Variants in LMAN2L observed in about 807,000 individuals in gnomAD.
LMAN2L encodes the protein lectin, mannose binding 2 like, also known as VIP36-like protein.
Under a neutral mutation model 44.3 loss-of-function variants are expected in LMAN2L, and 30 were observed. The ratio of observed to expected loss-of-function variants is 0.68; its 90% CI spans 0.51 to 0.92. LMAN2L has a LOEUF of 0.92. LMAN2L is among the 40% of genes least tolerant of loss of function. LMAN2L has a pLI of 0.00. For synonymous variants in LMAN2L, 183 were observed against 171.1 expected (o/e 1.07, Z -0.54); for missense variants, 429 against 446.1 (o/e 0.96, Z 0.35).
chr2:96,718,258 T>C (rs2078081659), intron 4 of LMAN2L, among the ~76,000 whole-genome samples: 1 of 152,306 alleles, frequency 6.6e-6, no homozygotes, highest in Middle Eastern at 3.4e-3. Flanking sequence ...GCGTGGCCGG[T>C]TGTATTCTTA....
intron 4 of LMAN2L, among the ~76,000 whole-genome samples, chr2:96,725,656 A>C (rs1316942990): frequency 2.6e-5 from 4 of 151,028 alleles, no homozygotes; most frequent in Non-Finnish European, 5.9e-5. Flanking sequence ...CATGTTACCC[A>C]GGATGGTCTC....
intron 1 of LMAN2L, among the ~76,000 whole-genome samples, chr2:96,738,539 G>A (rs893108903): frequency 5.3e-5 from 8 of 152,010 alleles, no homozygotes; most frequent in Non-Finnish European, 1.0e-4. Flanking sequence ...AGCCAGGTGT[G>A]GTAGTCCTTG....
chr2:96,719,440 G>A (rs577902931), intron 4 of LMAN2L, among the ~76,000 whole-genome samples: 8 of 152,156 alleles, frequency 5.3e-5, no homozygotes, highest in African/African-American at 1.9e-4. Flanking sequence ...TGGGATCAGT[G>A]TCTTCATCAA....
intron 7 of LMAN2L, 76 bp downstream of exon 7, chr2:96,707,638 C>T (rs927851556): frequency 6.4e-7 from 1 of 1,553,120 alleles, no homozygotes; most frequent in Non-Finnish European, 8.8e-7. Context: ...GCAGAGACCG[C>T]CCTGTGAGCT....
At chr2:96,737,506 A>G (rs2078541003) in intron 2 of LMAN2L, among the ~76,000 whole-genome samples, 1 of 152,180 alleles carries the variant, frequency 6.6e-6, no homozygotes, top group Admixed American at 6.5e-5. Context: ...TTTAAAAATT[A>G]GCCAGGTGCA....
At chr2:96,733,909 A>C (rs2078458398) in intron 3 of LMAN2L, among the ~76,000 whole-genome samples, 2 of 152,172 alleles carry the variant, frequency 1.3e-5, no homozygotes, top group Admixed American at 1.3e-4. Context: ...TCTGCTTTAC[A>C]AACAATTGGT....
Position 96,713,089 on chromosome 2 carries a change from G to A in LMAN2L, c.508-1064C>T, listed in dbSNP as rs761057707. 2.0e-5 allele frequency: 31 copies of A among 1,549,190 alleles called. No individual in the cohort carries two copies. The South Asian group carries it at 3.5e-4, about 17-fold the overall frequency. ...CATGGGAATGAGGGATGCTCATGAT[G>A]AGCCAAGAACTGAGTACCTGGACTC... On this transcript the variant is annotated intron_variant, in intron 4 of 7. Transcript: ENST00000264963.
chr2:96,728,440 A>C (rs2078317437), intron 4 of LMAN2L, among the ~76,000 whole-genome samples: 1 of 148,294 alleles, frequency 6.7e-6, no homozygotes. Context: ...CAGGAGGCGG[A>C]CCTTGCAGTG....
intron 4 of LMAN2L, among the ~76,000 whole-genome samples, chr2:96,717,272 G>C (rs896030985): frequency 6.6e-6 from 1 of 152,036 alleles, no homozygotes; most frequent in Non-Finnish European, 1.5e-5. Context: ...AGGTGTGGTG[G>C]CTCACACCTA....
chr2:96,708,908 C>CTTTTTTT (rs140328524), intron 6 of LMAN2L, among the ~76,000 whole-genome samples: 11 of 89,224 alleles, frequency 1.2e-4, no homozygotes, highest in East Asian at 3.1e-4. Context: ...TGAAGTTAGA[C>CTTTTTTT]TTTTTTTTTT....
chr2:96,730,226 ACT>A (rs1199377000), intron 4 of LMAN2L, among the ~76,000 whole-genome samples: 1 of 151,916 alleles, frequency 6.6e-6, no homozygotes, highest in Non-Finnish European at 1.5e-5. Context: ...CAAGTTTAAA[ACT>A]CTTGTCAGGC....
Position 96,706,978 on chromosome 2 carries a change from T to G in LMAN2L, c.*278A>C. Reference sequence around the variant, plus strand: ...GATTTTGGCATCACAACCACGTAAATTCTCTTCACACCTCTGCTCCCACAT... The same window carrying G: ...GATTTTGGCATCACAACCACGTAAAGTCTCTTCACACCTCTGCTCCCACAT... On this transcript the variant is annotated 3_prime_UTR_variant, in exon 8 of 8. Coordinates refer to ENST00000264963, the MANE Select transcript of LMAN2L (RefSeq NM_030805.4). 2 of 256,058 alleles carry G rather than the reference T, an allele frequency of 7.8e-6. No homozygotes were observed. Among genetic ancestry groups the G allele is most frequent in the East Asian group, 1.5e-4 (2 of 13,788 alleles). 15.9% of individuals were successfully genotyped at this position (256,058 alleles called of 1,614,324 possible). A position where few individuals can be genotyped will look rare whatever the true frequency, so the allele number is the denominator to read the frequency against.
At chr2:96,707,657 AG>A in intron 7 of LMAN2L, 56 bp downstream of exon 7, 1 of 1,604,528 alleles carries the variant, frequency 6.2e-7, no homozygotes, top group Non-Finnish European at 8.5e-7. Context: ...CTATGGGTAC[AG>A]CACTGCAAGC....
rs966666447 is a variant in LMAN2L, at chr2:96,729,929, C to T, written c.507+3590G>A. Among the ~76,000 whole-genome samples the T allele has an allele frequency of 1.4e-4, 21 of 152,252 alleles. 1 individual carries two copies. The highest frequency in any genetic ancestry group is 1.9e-4 in the East Asian group (1 of 5,180). On this transcript the variant is annotated intron_variant, in intron 4 of 7. Coordinates refer to ENST00000264963, the MANE Select transcript of LMAN2L (RefSeq NM_030805.4). ...AAGGCTGCCTAGACTGCACTTCAGA[C>T]GAACTGAATCAGAAGCTCTGGGGTT...
intron 1 of LMAN2L, among the ~76,000 whole-genome samples, chr2:96,738,910 T>G (rs1039023155): frequency 1.3e-5 from 2 of 152,060 alleles, no homozygotes; most frequent in Admixed American, 6.6e-5. Context: ...CTGGCTAATT[T>G]TTTTGTATTT....
Position 96,707,096 on chromosome 2 carries a change from G to A in LMAN2L, c.*160C>T. 1 of 644,576 alleles carries A rather than the reference G, an allele frequency of 1.6e-6. No homozygotes were observed. Among genetic ancestry groups the A allele is most frequent in the Admixed American group, 3.1e-5 (1 of 31,752 alleles). 39.9% of individuals were successfully genotyped at this position (644,576 alleles called of 1,614,324 possible). ...GTTAGATGTCCCCATGCACAACCATGGGAATGCGGGGTCCCTGCATTCAAA... is the reference window on the plus strand; with the variant it reads ...GTTAGATGTCCCCATGCACAACCATAGGAATGCGGGGTCCCTGCATTCAAA... On this transcript the variant is annotated 3_prime_UTR_variant, in exon 8 of 8. Transcript: ENST00000264963.
chr2:96,717,117 ACAC>A (rs2078055040), intron 4 of LMAN2L, among the ~76,000 whole-genome samples: 1 of 152,226 alleles, frequency 6.6e-6, no homozygotes, highest in African/African-American at 2.4e-5. Flanking sequence ...ACACACACAC[ACAC>A]AAGTATTTAG....
chr2:96,712,014 G>A lies in LMAN2L; in HGVS notation c.519C>T (p.Pro173=), dbSNP rs1471747975. The A allele has an allele frequency of 6.2e-6, 10 of 1,614,174 alleles. No homozygotes were observed. Among genetic ancestry groups the A allele is most frequent in the Non-Finnish European group, 7.6e-6 (9 of 1,180,034 alleles). The stretch of plus-strand genomic sequence containing the variant: ...CGTTGTTCACCATGGCTGAGATGTA[G>A]GGGAATACCCGCTGGAAAGCAGAGA... ...NEEKQQERVF[P]YISAMVNNGS... is the part of the protein sequence containing the mutation. Residue 173 remains proline (P), a synonymous_variant, in exon 5 of 8, where the codon CCC becomes CCT. Coordinates refer to ENST00000264963, the MANE Select transcript of LMAN2L (RefSeq NM_030805.4).
At chr2:96,738,603 G>T (rs1167029914) in intron 1 of LMAN2L, among the ~76,000 whole-genome samples, 2 of 152,116 alleles carry the variant, frequency 1.3e-5, no homozygotes. Context: ...TTGAGCCCAG[G>T]AGATTGAAAC....
Sources: allele counts gnomAD v4.1 joint callset (sites outside exome capture counted in the v4.1 genomes callset), GRCh38; gene constraint gnomAD v4.1.1; transcripts MANE v1.5; gene names NCBI Gene and HGNC (gene_info 2026-07-23, HGNC 2026-07-21).